Variants in KCNIP3 observed in about 807,000 individuals in gnomAD.
KCNIP3 encodes calsenilin.
A neutral mutation model predicts 35.0 loss-of-function variants in KCNIP3; 28 were observed. That is an observed-to-expected ratio of 0.80 (90% confidence interval 0.59 to 1.10). The LOEUF (loss-of-function observed/expected upper bound fraction) is 1.10. KCNIP3 is among the 50% of genes least tolerant of loss of function. KCNIP3 has a pLI of 0.00. For missense variants in KCNIP3, 295 were observed against 338.4 expected (o/e 0.87, Z 1.01); for synonymous variants, 134 against 133.8 (o/e 1.00, Z -0.01).
chr2:95,325,994 C>G (rs191283798), intron 2 of KCNIP3, among the ~76,000 whole-genome samples: 18 of 151,724 alleles, frequency 1.2e-4, no homozygotes, highest in African/African-American at 3.4e-4. Flanking sequence ...TACACACTCA[C>G]ACACACTCAG....
intron 2 of KCNIP3, among the ~76,000 whole-genome samples, chr2:95,335,592 C>G (rs565279009): frequency 5.3e-5 from 8 of 152,158 alleles, no homozygotes; most frequent in Non-Finnish European, 1.0e-4. Context: ...GATGTACCTA[C>G]CTGTGGTTTT....
intron 1 of KCNIP3, among the ~76,000 whole-genome samples, chr2:95,301,567 T>C (rs1191605134): frequency 6.6e-6 from 1 of 152,180 alleles, no homozygotes; most frequent in Non-Finnish European, 1.5e-5. Context: ...CCCAGATAAA[T>C]GTGATCCTAT....
chr2:95,313,249 G>A (rs1678368572), intron 2 of KCNIP3: 1 of 152,340 alleles, frequency 6.6e-6, no homozygotes. Context: ...TGGGAGTCCT[G>A]GAGGCTTGGG....
chr2:95,372,198 G>A (rs1353980825), intron 2 of KCNIP3, among the ~76,000 whole-genome samples: 2 of 151,870 alleles, frequency 1.3e-5, no homozygotes, highest in Admixed American at 1.3e-4. Flanking sequence ...CTTAATCAAA[G>A]GATTCTTACC....
chr2:95,375,921 A>G (rs760824223), intron 5 of KCNIP3, among the ~76,000 whole-genome samples: 1 of 152,234 alleles, frequency 6.6e-6, no homozygotes, highest in Non-Finnish European at 1.5e-5. Context: ...CTTGGCTTCC[A>G]CTGGGCTAAG....
chr2:95,314,225 A>T (rs1235291872), intron 2 of KCNIP3, among the ~76,000 whole-genome samples: 1 of 152,190 alleles, frequency 6.6e-6, no homozygotes, highest in African/African-American at 2.4e-5. Context: ...AAAGATCTAT[A>T]AACAGAATTT....
At chr2:95,374,796 G>A (rs1169957523) in intron 3 of KCNIP3, 52 bp from the exon 4 acceptor site, 18 of 1,585,870 alleles carry the variant, frequency 1.1e-5, no homozygotes, top group African/African-American at 4.0e-5. Context: ...ATGCAGAGTC[G>A]GGCTTGGAGC....
rs528018985 is a variant in KCNIP3 at position 95,384,419 on chromosome 2, C to T, written c.*370C>T. The T allele has an allele frequency of 9.1e-5, 27 of 296,534 alleles. No homozygotes were observed. Among genetic ancestry groups the T allele is most frequent in the South Asian group, 3.1e-4 (6 of 19,194 alleles). 18.4% of individuals were successfully genotyped at this position (296,534 alleles called of 1,614,324 possible). ...CCCCTGCAGGGGAGGGTCCAATCTCCGGTGTGAGCCCACCTCGTCCCGTTC... is the reference window on the plus strand; with the variant it reads ...CCCCTGCAGGGGAGGGTCCAATCTCTGGTGTGAGCCCACCTCGTCCCGTTC... On this transcript the variant is annotated 3_prime_UTR_variant, in exon 9 of 9. Transcript: ENST00000295225.
chr2:95,381,826 C>T (rs996976922), intron 6 of KCNIP3, 123 bp downstream of exon 6: 14 of 722,008 alleles, frequency 1.9e-5, no homozygotes, highest in African/African-American at 1.9e-4. Context: ...CATCCAGAGA[C>T]TGGCCCCAGG....
At chr2:95,380,972 T>G (rs1680322169) in intron 5 of KCNIP3, among the ~76,000 whole-genome samples, 1 of 152,216 alleles carries the variant, frequency 6.6e-6, no homozygotes, top group Admixed American at 6.5e-5. Context: ...TGATGGCGAC[T>G]GGTGACAGTC....
At chr2:95,383,124 T>TC in intron 7 of KCNIP3, 108 bp from the exon 8 acceptor site, 21 of 289,074 alleles carry the variant, frequency 7.3e-5, no homozygotes, top group South Asian at 1.9e-4. Flanking sequence ...CACCCGCCCA[T>TC]CCACCCACCC....
At chr2:95,310,752 C>G (rs1352260621) in intron 2 of KCNIP3, 5 of 555,068 alleles carry the variant, frequency 9.0e-6, no homozygotes, top group Non-Finnish European at 1.6e-5. Context: ...GTACAGAGAG[C>G]TGGGACCACA....
At chr2:95,383,420 C>T in intron 8 of KCNIP3, 126 bp downstream of exon 8, 4 of 952,060 alleles carry the variant, frequency 4.2e-6, no homozygotes, top group African/African-American at 1.6e-5. Flanking sequence ...GGCAGCTGTC[C>T]TTGGCCCCTT....
chr2:95,379,034 C>T (rs1680273565), intron 5 of KCNIP3, among the ~76,000 whole-genome samples: 3 of 152,052 alleles, frequency 2.0e-5, no homozygotes, highest in South Asian at 4.2e-4. Context: ...TGCTTGTTTC[C>T]ATGTCCCCCA....
chr2:95,352,555 C>T lies in KCNIP3; in HGVS notation c.182-21741C>T, dbSNP rs148396322. Reference sequence around the variant, plus strand: ...ATCTCCATGCTCCCCGACCAGCCTTCCCCCCAGCCCTCCCTCTCCAGCCCT... The same window carrying T: ...ATCTCCATGCTCCCCGACCAGCCTTTCCCCCAGCCCTCCCTCTCCAGCCCT... On this transcript the variant is annotated intron_variant, in intron 2 of 8. Coordinates refer to ENST00000295225, the MANE Select transcript of KCNIP3 (RefSeq NM_013434.5). Among the ~76,000 whole-genome samples, 46 of 152,216 alleles carry T rather than the reference C, an allele frequency of 3.0e-4. No homozygotes were observed. The East Asian group carries it at 8.5e-3, about 28-fold the overall frequency.
At chr2:95,306,976 A>G (rs561003394) in intron 1 of KCNIP3, among the ~76,000 whole-genome samples, 1 of 152,350 alleles carries the variant, frequency 6.6e-6, no homozygotes, top group Non-Finnish European at 1.5e-5. Flanking sequence ...CAGCAGCCTG[A>G]GGGCCCAGGC....
chr2:95,310,610 G>A (rs766179180), intron 2 of KCNIP3, 90 bp downstream of exon 2: 1 of 1,458,108 alleles, frequency 6.9e-7, no homozygotes, highest in Non-Finnish European at 9.6e-7. Flanking sequence ...GGCCAGCCTG[G>A]GACCCCAGCC....
chr2:95,318,333 C>T (rs1678509351), intron 2 of KCNIP3, among the ~76,000 whole-genome samples: 1 of 152,150 alleles, frequency 6.6e-6, no homozygotes, highest in South Asian at 2.1e-4. Flanking sequence ...TCCCCGTCTC[C>T]TTCCCTCACT....
intron 2 of KCNIP3, among the ~76,000 whole-genome samples, chr2:95,362,920 T>C (rs1319072604): frequency 6.6e-6 from 1 of 152,256 alleles, no homozygotes; most frequent in Non-Finnish European, 1.5e-5. Flanking sequence ...TAGGAGGTAC[T>C]GCATTCTCAT....
Sources: gnomAD v4.1 joint callset for allele counts (sites outside exome capture counted in the v4.1 genomes callset) on GRCh38, gnomAD v4.1.1 for gene constraint, MANE v1.5 for transcripts, NCBI Gene and HGNC (gene_info 2026-07-23, HGNC 2026-07-21) for gene names.